The following NRXN3 variants were observed in gnomAD, a reference collection of about 807,000 sequenced individuals.
The protein encoded by NRXN3 is neurexin 3.
Under a neutral mutation model 137.6 loss-of-function variants are expected in NRXN3, and 32 were observed. The observed-to-expected ratio is 0.23, with a 90% CI of 0.18 to 0.31. The LOEUF is 0.31. NRXN3 is among the 10% of genes least tolerant of loss of function. The pLI is 1.00. For synonymous variants in NRXN3, 798 were observed against 784.5 expected (o/e 1.02, Z -0.29); for missense variants, 1,574 against 2,062.5 (o/e 0.76, Z 4.59).
chr14:78,609,638 G>T (rs1471800327), intron 4 of NRXN3, among the ~76,000 whole-genome samples: 1 of 152,102 alleles, frequency 6.6e-6, no homozygotes, highest in Non-Finnish European at 1.5e-5. Context: ...TGTTGAATGG[G>T]GTAATAATAA....
chr14:78,465,854 T>C (rs2153723594), intron 4 of NRXN3, among the ~76,000 whole-genome samples: 1 of 149,710 alleles, frequency 6.7e-6, no homozygotes, highest in African/African-American at 2.5e-5. Context: ...TTTAAATTTT[T>C]ATTTATTTAT....
chr14:79,508,390 A>ATTTTGTTTTTTTTTTTTTTTTTTT (rs2096898620), intron 16 of NRXN3, among the ~76,000 whole-genome samples: 1 of 48,240 alleles, frequency 2.1e-5, no homozygotes, highest in Non-Finnish European at 4.0e-5. Context: ...ACAATAACTG[A>ATTTTGTTTTTTTTTTTTTTTTTTT]TTTTTTTTTT....
At chr14:78,734,383 A>C (rs947933951) in intron 8 of NRXN3, among the ~76,000 whole-genome samples, 2 of 152,078 alleles carry the variant, frequency 1.3e-5, no homozygotes, top group African/African-American at 4.8e-5. Context: ...ATAGATGAGC[A>C]CTCCTGCATA....
intron 16 of NRXN3, among the ~76,000 whole-genome samples, chr14:79,570,338 T>G (rs1463069380): frequency 6.6e-6 from 1 of 152,138 alleles, no homozygotes; most frequent in Non-Finnish European, 1.5e-5. Flanking sequence ...ACCAGTAAAC[T>G]CAACTGCCCA....
chr14:79,506,463 C>G (rs1296102094), intron 16 of NRXN3, among the ~76,000 whole-genome samples: 3 of 152,140 alleles, frequency 2.0e-5, no homozygotes, highest in Non-Finnish European at 4.4e-5. Context: ...TCAACCTTAA[C>G]CCACACAATC....
intron 15 of NRXN3, among the ~76,000 whole-genome samples, chr14:79,000,254 A>G (rs953800213): frequency 2.6e-5 from 4 of 151,776 alleles, no homozygotes; most frequent in South Asian, 2.1e-4. Flanking sequence ...AAATGCATGT[A>G]TGTGCATACA....
At position 78,788,572 on chromosome 14, in the gene NRXN3, C is replaced by T. The variant is rs530370406; in HGVS notation, c.2045-15048C>T. ...CTCTTGGAAAGGCTTGTCTGTTGACCTCAAGGTCTCCACTCACTTTATCTC... is the reference window on the plus strand; with the variant it reads ...CTCTTGGAAAGGCTTGTCTGTTGACTTCAAGGTCTCCACTCACTTTATCTC... On this transcript the variant is annotated intron_variant, in intron 8 of 20. Transcript: ENST00000335750. Among the ~76,000 whole-genome samples the T allele has an allele frequency of 6.0e-4, 91 of 152,216 alleles. 2 individuals are homozygous for T. The South Asian group carries it at 0.018, about 30-fold the overall frequency.
chr14:78,223,713 G>T (rs1004092345), intron 1 of NRXN3, among the ~76,000 whole-genome samples: 4 of 152,174 alleles, frequency 2.6e-5, no homozygotes, highest in Non-Finnish European at 4.4e-5. Flanking sequence ...GGGATAGGGG[G>T]ACAAAGGGAC....
intron 19 of NRXN3, among the ~76,000 whole-genome samples, chr14:79,768,127 C>T (rs1469430077): frequency 6.6e-6 from 1 of 152,212 alleles, no homozygotes; most frequent in Non-Finnish European, 1.5e-5. Flanking sequence ...GTCCTACGCC[C>T]ACGGAGTCTC....
At chr14:78,529,853 T>A (rs1197931252) in intron 4 of NRXN3, among the ~76,000 whole-genome samples, 2 of 152,334 alleles carry the variant, frequency 1.3e-5, no homozygotes, top group African/African-American at 4.8e-5. Flanking sequence ...AACTGACTTT[T>A]ATGTAGAATA....
chr14:79,402,537 A>C (rs1159085180), intron 15 of NRXN3, among the ~76,000 whole-genome samples: 1 of 152,180 alleles, frequency 6.6e-6, no homozygotes, highest in Non-Finnish European at 1.5e-5. Flanking sequence ...AAAATTAATG[A>C]TATTGTAGGT....
Position 78,192,065 on chromosome 14 carries a change from A to AGT in NRXN3, c.-704+21433_-704+21434dup, listed in dbSNP as rs34445474. Among the ~76,000 whole-genome samples, 1,344 of 142,914 alleles carry AGT rather than the reference A, an allele frequency of 9.4e-3. 22 individuals are homozygous for AGT. The highest frequency in any genetic ancestry group is 0.031 in the South Asian group (128 of 4,098). The allele number at this position is 142,914 out of a possible 152,430, so 93.8% of individuals were successfully genotyped here. ...TCCCTGCCCCCTTTGGCTGCCCGAA[A>AGT]GTGTGTGTGTGTGTGTGTGTGTGTG... On this transcript the variant is annotated intron_variant, in intron 1 of 20. Transcript: ENST00000335750.
At chr14:79,114,253 A>T (rs539133719) in intron 15 of NRXN3, among the ~76,000 whole-genome samples, 12 of 152,366 alleles carry the variant, frequency 7.9e-5, no homozygotes, top group African/African-American at 2.9e-4. Context: ...TACAGGGCAC[A>T]GGACAGTATT....
intron 16 of NRXN3, among the ~76,000 whole-genome samples, chr14:79,647,914 C>T (rs2098459369): frequency 7.4e-6 from 1 of 134,376 alleles, no homozygotes; most frequent in African/African-American, 2.5e-5. Flanking sequence ...ATAATATTGT[C>T]AAAAACATAT....
At chr14:79,389,046 C>T (rs534076913) in intron 15 of NRXN3, among the ~76,000 whole-genome samples, 1 of 152,158 alleles carries the variant, frequency 6.6e-6, no homozygotes, top group East Asian at 1.9e-4. Context: ...ACCTCTTTTT[C>T]TTTATAAATT....
chr14:78,487,711 C>T (rs572464534), intron 4 of NRXN3, among the ~76,000 whole-genome samples: 2 of 151,610 alleles, frequency 1.3e-5, no homozygotes, highest in African/African-American at 4.8e-5. Context: ...CACCACACTC[C>T]AGCCTGGGCC....
rs375093413 is a variant in NRXN3, at chr14:78,362,610, T to C, written c.757+64750T>C. Among the ~76,000 whole-genome samples the C allele has an allele frequency of 2.2e-4, 33 of 152,284 alleles. No individual in the cohort carries two copies. In the East Asian group the frequency reaches 6.2e-3, roughly 29 times the overall value. On this transcript the variant is annotated intron_variant, in intron 4 of 20. Transcript: ENST00000335750. ...TTGTATAGTCATGGTGAGAAAGATA[T>C]ATCAATAATTATTAACTTATCCTAT...
chr14:79,788,854 T>G (rs1227795233), intron 19 of NRXN3, among the ~76,000 whole-genome samples: 2 of 152,036 alleles, frequency 1.3e-5, no homozygotes, highest in Non-Finnish European at 2.9e-5. Flanking sequence ...CATAAAGAAG[T>G]GTTTGGGTTG....
chr14:78,496,151 A>T (rs1249686652), intron 4 of NRXN3, among the ~76,000 whole-genome samples: 1 of 152,164 alleles, frequency 6.6e-6, no homozygotes, highest in East Asian at 1.9e-4. Flanking sequence ...TTTTATTCTG[A>T]TTATTTTTAA....
Sources: allele counts gnomAD v4.1 joint callset (sites outside exome capture counted in the v4.1 genomes callset), GRCh38; gene constraint gnomAD v4.1.1; transcripts MANE v1.5; gene names NCBI Gene and HGNC (gene_info 2026-07-23, HGNC 2026-07-21).